The following PTPRC variants were observed in gnomAD, a reference collection of about 807,000 sequenced individuals.
PTPRC encodes the protein receptor-type tyrosine-protein phosphatase C.
In PTPRC, 44 loss-of-function variants were observed where a neutral mutation model predicts 155.9. That is an observed-to-expected ratio of 0.28 (90% CI 0.22 to 0.36). PTPRC has a LOEUF of 0.36. Among genes scored for constraint, PTPRC ranks in the 10% least tolerant of loss-of-function variants. The pLI is 1.00. For missense variants in PTPRC, 1,401 were observed against 1,564.6 expected (o/e 0.90, Z 1.76); for synonymous variants, 525 against 533.1 (o/e 0.98, Z 0.21).
In PTPRC at chr1:198,643,197, A is replaced by G. The variant is rs559246554; in HGVS notation, c.73+3856A>G. Among the ~76,000 whole-genome samples the G allele has an allele frequency of 4.0e-5, 6 of 151,466 alleles. No individual in the cohort carries two copies. In the South Asian group the frequency reaches 1.2e-3, roughly 31 times the overall value. ...TCATTTCAATCTGCTCTTTTTTGTG[A>G]TGATGATTGATGATGATGATGACAT... On this transcript the variant is annotated intron_variant, in intron 2 of 32. Transcript: ENST00000442510.
At chr1:198,744,359 AAGAGAAATGC>A (rs1416866268) in intron 26 of PTPRC, among the ~76,000 whole-genome samples, 156 bp downstream of exon 26, 1 of 151,872 alleles carries the variant, frequency 6.6e-6, no homozygotes, top group Non-Finnish European at 1.5e-5. Context: ...ACAGTGAGTT[AAGAGAAATGC>A]CTGAATCTAC....
chr1:198,642,907 C>CTTTCTTT (rs1662686632), intron 2 of PTPRC, among the ~76,000 whole-genome samples: 5 of 93,688 alleles, frequency 5.3e-5, no homozygotes, highest in African/African-American at 8.3e-5. Context: ...TTTCTTTCTT[C>CTTTCTTT]CTTTCTTTCT....
At chr1:198,719,443 A>C (rs1653770511) in intron 14 of PTPRC, among the ~76,000 whole-genome samples, 1 of 152,194 alleles carries the variant, frequency 6.6e-6, no homozygotes, top group Non-Finnish European at 1.5e-5. Flanking sequence ...AGTTTTCTTC[A>C]CAGCACTTTG....
intron 2 of PTPRC, among the ~76,000 whole-genome samples, chr1:198,677,138 C>T (rs903506362): frequency 1.4e-4 from 21 of 152,108 alleles, no homozygotes; most frequent in African/African-American, 4.8e-4. Flanking sequence ...CAACATTACC[C>T]GTGGGCCTGC....
chr1:198,642,739 T>C (rs1662666670), intron 2 of PTPRC, among the ~76,000 whole-genome samples: 1 of 151,894 alleles, frequency 6.6e-6, no homozygotes, highest in South Asian at 2.1e-4. Context: ...CTTTTTTTAA[T>C]GTAATCTACA....
chr1:198,729,455 C>T (rs1418728071), intron 17 of PTPRC, among the ~76,000 whole-genome samples: 2 of 152,140 alleles, frequency 1.3e-5, no homozygotes, highest in African/African-American at 2.4e-5. Flanking sequence ...GCTGCCCAAG[C>T]TGGTCTTGAA....
intron 2 of PTPRC, among the ~76,000 whole-genome samples, chr1:198,668,823 T>C (rs760111916): frequency 2.0e-5 from 3 of 152,150 alleles, no homozygotes; most frequent in Admixed American, 6.5e-5. Context: ...GATTAGTCTT[T>C]AGGTGAATAG....
chr1:198,653,580 A>G lies in PTPRC; in HGVS notation c.73+14239A>G, dbSNP rs976801004. Among the ~76,000 whole-genome samples the G allele has an allele frequency of 2.6e-5, 4 of 152,020 alleles. No homozygotes were observed. The East Asian group carries it at 5.8e-4, about 22-fold the overall frequency. On this transcript the variant is annotated intron_variant, in intron 2 of 32. Transcript: ENST00000442510. ...TAAACATCTGTATTTGCTAAAGAGC[A>G]ACAGATCAAGGAAAAGAAAAAATAA...
intron 2 of PTPRC, 127 bp downstream of exon 2, chr1:198,639,468 G>C (rs1346205878): frequency 1.5e-5 from 11 of 721,808 alleles, no homozygotes; most frequent in Non-Finnish European, 2.6e-5. Context: ...AAACCATCAA[G>C]ATTGTTGTCT....
intron 5 of PTPRC, 149 bp downstream of exon 5, chr1:198,699,853 G>A: frequency 2.0e-6 from 2 of 992,334 alleles, no homozygotes; most frequent in Non-Finnish European, 3.1e-6. Flanking sequence ...TTAGGAATAT[G>A]AAACCACAGA....
chr1:198,745,378 C>T (rs951950962), intron 26 of PTPRC, among the ~76,000 whole-genome samples: 3 of 151,632 alleles, frequency 2.0e-5, no homozygotes, highest in Admixed American at 6.6e-5. Context: ...AAATGCAAGT[C>T]GGTTGGTAAA....
intron 2 of PTPRC, among the ~76,000 whole-genome samples, chr1:198,654,471 A>G (rs960829113): frequency 1.3e-5 from 2 of 151,846 alleles, no homozygotes; most frequent in Admixed American, 1.3e-4. Flanking sequence ...ATATACACAG[A>G]TTACAAGTAC....
In PTPRC at chr1:198,756,204, T is replaced by G. The variant is rs1437569466; in HGVS notation, c.*23T>G. ...TAGGAAAAGACATAAATGAGGAAACTCCAAACCTCCTGTTAGCTGTTATTT... is the reference window on the plus strand; with the variant it reads ...TAGGAAAAGACATAAATGAGGAAACGCCAAACCTCCTGTTAGCTGTTATTT... On this transcript the variant is annotated 3_prime_UTR_variant, in exon 33 of 33. Transcript: ENST00000442510. 4 of 1,612,322 alleles carry G rather than the reference T, an allele frequency of 2.5e-6. No homozygotes were observed. The highest frequency in any genetic ancestry group is 2.2e-5 in the South Asian group (2 of 91,050).
intron 13 of PTPRC, 91 bp from the exon 14 acceptor site, chr1:198,718,003 A>C: frequency 2.7e-6 from 3 of 1,110,538 alleles, no homozygotes; most frequent in Non-Finnish European, 4.0e-6. Context: ...GCTAACACTT[A>C]AAATACTTTA....
intron 27 of PTPRC, 121 bp from the exon 28 acceptor site, chr1:198,749,295 A>T: frequency 1.0e-6 from 1 of 955,254 alleles, no homozygotes; most frequent in Non-Finnish European, 1.6e-6. Flanking sequence ...TATTTCATGT[A>T]GATCAGTAAG....
At chr1:198,729,263 A>G in intron 17 of PTPRC, 92 bp downstream of exon 17, 2 of 1,372,638 alleles carry the variant, frequency 1.5e-6, no homozygotes, top group South Asian at 1.6e-5. Flanking sequence ...TTATTTTAAG[A>G]CAGAGTCTCA....
At chr1:198,696,626 G>A (rs1666215861) in intron 3 of PTPRC, 86 bp from the exon 4 acceptor site, 9 of 1,079,846 alleles carry the variant, frequency 8.3e-6, no homozygotes, top group Non-Finnish European at 1.3e-5. Flanking sequence ...AGTGGACTGG[G>A]GAGTTAGTAT....
Position 198,728,453 on chromosome 1 carries a change from G to C in PTPRC, c.1829+5G>C. On this transcript the variant is annotated splice_donor_5th_base_variant and intron_variant, in intron 16 of 32. Coordinates refer to ENST00000442510, the MANE Select transcript of PTPRC (RefSeq NM_002838.5). ...TCTACATAAGAAAAGATCCTGGTAA[G>C]AGTTGATTTTAAATTTTTAAATAAT... is the stretch of plus-strand genomic sequence containing the variant. The C allele has an allele frequency of 4.3e-6, 7 of 1,611,488 alleles. No individual in the cohort carries two copies. Among genetic ancestry groups the C allele is most frequent in the Non-Finnish European group, 5.9e-6 (7 of 1,178,850 alleles).
chr1:198,704,338 C>A, intron 7 of PTPRC, 134 bp from the exon 8 acceptor site: 1 of 1,483,880 alleles, frequency 6.7e-7, no homozygotes. Flanking sequence ...CTAGGCAAAT[C>A]CTTCATATTC....
Sources: gnomAD v4.1 joint callset for allele counts (sites outside exome capture counted in the v4.1 genomes callset) on GRCh38, gnomAD v4.1.1 for gene constraint, MANE v1.5 for transcripts, NCBI Gene and HGNC (gene_info 2026-07-23, HGNC 2026-07-21) for gene names.